The following SNX4 variants were observed in gnomAD, a reference collection of about 807,000 sequenced individuals.
The protein encoded by SNX4 is sorting nexin 4, also known as sorting nexin-4.
Under a neutral mutation model 70.8 loss-of-function variants are expected in SNX4, and 49 were observed. The observed-to-expected ratio is 0.69, with a 90% confidence interval of 0.55 to 0.88. SNX4 has a LOEUF of 0.88. SNX4 is among the 40% of genes least tolerant of loss of function. SNX4 has a pLI of 0.00. For missense variants in SNX4, 528 were observed against 544.8 expected, an observed-to-expected ratio of 0.97 and a Z score of 0.31; for synonymous variants, 206 against 183.8, an observed-to-expected ratio of 1.12 and a Z score of -0.98.
intron 8 of SNX4, 35 bp downstream of exon 8, chr3:125,476,660 A>C: frequency 8.0e-7 from 1 of 1,245,422 alleles, no homozygotes; most frequent in Non-Finnish European, 1.2e-6. Context: ...AAGGTAATTA[A>C]AGCTAATTAT....
chr3:125,457,966 T>A (rs1485092422), intron 10 of SNX4, among the ~76,000 whole-genome samples: 66 of 152,080 alleles, frequency 4.3e-4, no homozygotes, highest in Admixed American at 4.3e-3. Context: ...ATCACATACA[T>A]AAAACATTTT....
chr3:125,464,406 C>T (rs1473950231), intron 9 of SNX4, among the ~76,000 whole-genome samples: 1 of 151,040 alleles, frequency 6.6e-6, no homozygotes, highest in East Asian at 1.9e-4. Flanking sequence ...GTGTATGAGC[C>T]GAATTGAATT....
chr3:125,490,110 C>CAG (rs1281080184), intron 5 of SNX4, among the ~76,000 whole-genome samples: 1 of 151,858 alleles, frequency 6.6e-6, no homozygotes, highest in African/African-American at 2.4e-5. Flanking sequence ...GCCTGGACGA[C>CAG]AGAGAGAGAC....
intron 8 of SNX4, among the ~76,000 whole-genome samples, chr3:125,470,811 A>G (rs1162314212): frequency 6.6e-6 from 1 of 152,162 alleles, no homozygotes; most frequent in African/African-American, 2.4e-5. Context: ...CTATTTGTTT[A>G]TATTTCTGTA....
intron 1 of SNX4, among the ~76,000 whole-genome samples, chr3:125,518,304 C>A (rs1481360821): frequency 1.3e-5 from 2 of 151,354 alleles, no homozygotes; most frequent in African/African-American, 2.4e-5. Context: ...ACAAAAAAAA[C>A]CCCAAAACTT....
intron 9 of SNX4, among the ~76,000 whole-genome samples, chr3:125,467,656 G>A (rs545611795): frequency 6.6e-6 from 1 of 152,066 alleles, no homozygotes; most frequent in East Asian, 1.9e-4. Flanking sequence ...CAAGAGATCT[G>A]CCCACCTCAG....
rs1480248130 is a variant in SNX4 at position 125,453,923 on chromosome 3, A to G, written c.1077T>C (p.Thr359=). 1.2e-6 allele frequency: 2 copies of G among 1,613,804 alleles called. No homozygotes were observed. Among genetic ancestry groups the G allele is most frequent in the Non-Finnish European group, 1.7e-6 (2 of 1,179,862 alleles). The change falls in exon 12 of 14, where the codon ACT becomes ACC. Residue 359 remains threonine, a synonymous_variant. Coordinates refer to ENST00000251775, the MANE Select transcript of SNX4 (RefSeq NM_003794.4). ...GAGTTTCTTGACCAAAGAGCTTGGT[A>G]GTCATTCCCTTCAAAGAGAATGTTC... The part of the protein sequence containing the change: ...TVRTFSLKGM[T]TKLFGQETPE...
At chr3:125,455,275 T>C (rs1357226642) in intron 11 of SNX4, among the ~76,000 whole-genome samples, 3 of 152,232 alleles carry the variant, frequency 2.0e-5, no homozygotes, top group Non-Finnish European at 4.4e-5. Flanking sequence ...CGTGAAATAT[T>C]AGACGTTATT....
At chr3:125,493,103 A>G (rs774364348) in intron 5 of SNX4, among the ~76,000 whole-genome samples, 10 of 152,188 alleles carry the variant, frequency 6.6e-5, no homozygotes, top group Non-Finnish European at 8.8e-5. Context: ...ATGAGTATTT[A>G]TATTTTGTGT....
At chr3:125,455,983 A>G (rs1420850890) in intron 11 of SNX4, among the ~76,000 whole-genome samples, 1 of 152,146 alleles carries the variant, frequency 6.6e-6, no homozygotes, top group Non-Finnish European at 1.5e-5. Context: ...AACCTGGGCA[A>G]CAGAGCGAAA....
rs1159728750 is a variant in SNX4, at chr3:125,473,412, T to A, written c.788+3283A>T. Among the ~76,000 whole-genome samples the A allele has an allele frequency of 3.3e-5, 5 of 152,130 alleles. No homozygotes were observed. In the East Asian group the frequency reaches 9.7e-4, roughly 29 times the overall value. On this transcript the variant is annotated intron_variant, in intron 8 of 13. Transcript: ENST00000251775. ...TTTCCCCCTTCTCATCTAAACTCAA[T>A]TCTCTTTTTTGTTTTTTTTTTGAGA...
chr3:125,469,195 C>A (rs1163026026), intron 9 of SNX4, among the ~76,000 whole-genome samples: 1 of 152,150 alleles, frequency 6.6e-6, no homozygotes, highest in Non-Finnish European at 1.5e-5. Flanking sequence ...TGTTAAAATT[C>A]ATCAAATGCT....
At chr3:125,488,615 T>C (rs950468541) in intron 6 of SNX4, among the ~76,000 whole-genome samples, 2 of 152,246 alleles carry the variant, frequency 1.3e-5, no homozygotes, top group African/African-American at 4.8e-5. Context: ...TGTTATGGTT[T>C]ATAAAGTCAG....
chr3:125,478,272 G>A (rs116286549), intron 7 of SNX4, among the ~76,000 whole-genome samples: 2,288 of 151,982 alleles, frequency 0.015, 30 homozygotes, highest in Non-Finnish European at 0.026. Flanking sequence ...TAAAGACCAT[G>A]CTGGTCAGGC....
intron 5 of SNX4, among the ~76,000 whole-genome samples, chr3:125,491,677 C>T (rs570972852): frequency 6.6e-6 from 1 of 152,284 alleles, no homozygotes; most frequent in Admixed American, 6.5e-5. Flanking sequence ...TTATCGCCCA[C>T]CTAATCAGAT....
At chr3:125,447,848 T>C in intron 13 of SNX4, 22 bp from the exon 14 acceptor site, 2 of 1,521,958 alleles carry the variant, frequency 1.3e-6, no homozygotes, top group African/African-American at 1.4e-5. Context: ...AATAAAAACT[T>C]TAAAATGTGA....
At chr3:125,457,143 C>A in intron 11 of SNX4, 123 bp downstream of exon 11, 2 of 682,216 alleles carry the variant, frequency 2.9e-6, no homozygotes, top group Non-Finnish European at 2.6e-6. Flanking sequence ...AAAGGTTCAG[C>A]CGTCCTGAGT....
chr3:125,481,864 T>C lies in SNX4; in HGVS notation c.654-1545A>G, dbSNP rs146757091. On this transcript the variant is annotated intron_variant, in intron 6 of 13. Coordinates refer to ENST00000251775, the MANE Select transcript of SNX4 (RefSeq NM_003794.4). ...ATCCACAGGATTCACATGCTGGTAG[T>C]CCTCAGGTTATACTTTATTTTTCTT... 7.9e-5 allele frequency among the ~76,000 whole-genome samples: 12 copies of C among 152,230 alleles called. No homozygotes were observed. The East Asian group carries it at 2.3e-3, about 29-fold the overall frequency.
intron 8 of SNX4, among the ~76,000 whole-genome samples, chr3:125,471,134 C>T (rs1413871766): frequency 2.0e-5 from 3 of 151,982 alleles, no homozygotes; most frequent in Admixed American, 6.6e-5. Context: ...CACCTGAGGT[C>T]GGGAGTTCGA....
Sources: allele counts gnomAD v4.1 joint callset (sites outside exome capture counted in the v4.1 genomes callset), GRCh38; gene constraint gnomAD v4.1.1; transcripts MANE v1.5; gene names NCBI Gene and HGNC (gene_info 2026-07-23, HGNC 2026-07-21).